The following ANO3 variants were observed in gnomAD, a reference collection of about 807,000 sequenced individuals.
ANO3 encodes anoctamin-3.
In ANO3, 99 loss-of-function variants were observed where a neutral mutation model predicts 144.8. That is an observed-to-expected ratio of 0.68 (90% confidence interval 0.58 to 0.81). The LOEUF (loss-of-function observed/expected upper bound fraction) is 0.81, where lower values mean the gene tolerates loss of function less well. ANO3 is among the 30% of genes least tolerant of loss of function. ANO3 has a pLI of 0.00. For missense variants in ANO3, 905 were observed against 1,202.2 expected, an observed-to-expected ratio of 0.75 and a Z score of 3.66; for synonymous variants, 414 against 392.6, an observed-to-expected ratio of 1.05 and a Z score of -0.64.
chr11:26,484,025 T>C (rs118058209), intron 4 of ANO3, among the ~76,000 whole-genome samples: 11,419 of 152,214 alleles, frequency 0.075, 604 homozygotes, highest in Admixed American at 0.13. Flanking sequence ...GATCTGGAAA[T>C]TTGAACTTGA....
intron 26 of ANO3, 81 bp downstream of exon 26, chr11:26,656,562 T>G: frequency 1.1e-6 from 1 of 891,602 alleles, no homozygotes; most frequent in Admixed American, 2.0e-5. Flanking sequence ...TGAAATCAGT[T>G]CCTCAGACTT....
intron 14 of ANO3, among the ~76,000 whole-genome samples, chr11:26,570,949 C>T (rs1271689005): frequency 6.6e-6 from 1 of 151,920 alleles, no homozygotes; most frequent in African/African-American, 2.4e-5. Flanking sequence ...TTAGGCCTCT[C>T]ATTTTACTTT....
intron 1 of ANO3, among the ~76,000 whole-genome samples, chr11:26,433,785 G>A (rs1858199654): frequency 6.6e-6 from 1 of 152,120 alleles, no homozygotes; most frequent in African/African-American, 2.4e-5. Context: ...CTGATGTGCT[G>A]CTGCATTCAG....
chr11:26,220,143 A>C (rs1041318122), intron 1 of ANO3, among the ~76,000 whole-genome samples: 1 of 152,172 alleles, frequency 6.6e-6, no homozygotes, highest in Non-Finnish European at 1.5e-5. Context: ...ACCTCCACTT[A>C]GCTGAGCTAT....
At chr11:26,332,888 T>C (rs1319781793) in intron 1 of ANO3, among the ~76,000 whole-genome samples, 2 of 152,164 alleles carry the variant, frequency 1.3e-5, no homozygotes, top group East Asian at 3.9e-4. Flanking sequence ...AGGTTAGGTT[T>C]CTCTTCTAGG....
intron 1 of ANO3, among the ~76,000 whole-genome samples, chr11:26,304,281 A>G (rs920239674): frequency 6.6e-6 from 1 of 152,152 alleles, no homozygotes; most frequent in East Asian, 1.9e-4. Flanking sequence ...TTGAGTACCT[A>G]TAGCAATGGC....
At chr11:26,423,381 C>A (rs964920652) in intron 1 of ANO3, among the ~76,000 whole-genome samples, 1 of 140,484 alleles carries the variant, frequency 7.1e-6, no homozygotes, top group African/African-American at 2.6e-5. Flanking sequence ...ACAACCAATA[C>A]TGAATTAATG....
chr11:26,653,043 G>A (rs1411230769), intron 24 of ANO3, among the ~76,000 whole-genome samples: 1 of 152,100 alleles, frequency 6.6e-6, no homozygotes, highest in African/African-American at 2.4e-5. Context: ...TTTAGTTTTG[G>A]AGTTCCCCAA....
At chr11:26,335,582 G>T (rs1267569693) in intron 1 of ANO3, among the ~76,000 whole-genome samples, 2 of 152,054 alleles carry the variant, frequency 1.3e-5, no homozygotes, top group Non-Finnish European at 2.9e-5. Context: ...AAATTTTTAG[G>T]TTTGTAATTA....
At chr11:26,304,317 G>T (rs541344732) in intron 1 of ANO3, among the ~76,000 whole-genome samples, 1 of 152,004 alleles carries the variant, frequency 6.6e-6, no homozygotes, top group African/African-American at 2.4e-5. Flanking sequence ...TCTACATAAT[G>T]CTTTAAAAGC....
intron 14 of ANO3, among the ~76,000 whole-genome samples, chr11:26,589,063 CACCA>C (rs763326549): frequency 2.6e-5 from 4 of 152,144 alleles, no homozygotes; most frequent in Non-Finnish European, 5.9e-5. Context: ...AAAATCAGAA[CACCA>C]ACCAACCAAC....
chr11:26,223,154 G>C (rs1362898473), intron 1 of ANO3, among the ~76,000 whole-genome samples: 6 of 151,300 alleles, frequency 4.0e-5, no homozygotes, highest in Non-Finnish European at 8.8e-5. Context: ...TCCTGTATTT[G>C]ATCATAGGTC....
intron 1 of ANO3, among the ~76,000 whole-genome samples, chr11:26,357,347 A>T (rs1182140157): frequency 6.6e-6 from 1 of 152,218 alleles, no homozygotes; most frequent in East Asian, 1.9e-4. Context: ...AACAGTAAAT[A>T]TGAGACTTCT....
chr11:26,399,424 T>A (rs1421744678), intron 1 of ANO3, among the ~76,000 whole-genome samples: 1 of 151,838 alleles, frequency 6.6e-6, no homozygotes, highest in East Asian at 2.0e-4. Flanking sequence ...ATATGAACTT[T>A]TCAGCATGAC....
chr11:26,488,648 G>A (rs2087974), intron 4 of ANO3, among the ~76,000 whole-genome samples: 2 of 152,022 alleles, frequency 1.3e-5, no homozygotes, highest in Non-Finnish European at 2.9e-5. Context: ...CTGGAGTTGG[G>A]TGTTTGTTCC....
chr11:26,240,063 ATTGG>A (rs1283482316), intron 1 of ANO3, among the ~76,000 whole-genome samples: 2 of 152,164 alleles, frequency 1.3e-5, no homozygotes, highest in Non-Finnish European at 2.9e-5. Flanking sequence ...AGCCCCACTT[ATTGG>A]GGCAAATTAC....
chr11:26,316,342 T>G (rs1431881969), intron 1 of ANO3, among the ~76,000 whole-genome samples: 2 of 152,182 alleles, frequency 1.3e-5, no homozygotes, highest in Non-Finnish European at 2.9e-5. Context: ...TAGGGTCATT[T>G]GATTATGAGG....
chr11:26,471,464 G>C (rs987192509), intron 4 of ANO3, among the ~76,000 whole-genome samples: 3 of 151,870 alleles, frequency 2.0e-5, no homozygotes, highest in African/African-American at 7.2e-5. Context: ...ATAATAGAAA[G>C]TTTCTATTCC....
At chr11:26,543,385 A>G (rs1463041200) in intron 11 of ANO3, among the ~76,000 whole-genome samples, 1 of 152,098 alleles carries the variant, frequency 6.6e-6, no homozygotes, top group Non-Finnish European at 1.5e-5. Context: ...CCTAGTGCCT[A>G]TAATGAAAGG....
Sources: allele counts gnomAD v4.1 joint callset (sites outside exome capture counted in the v4.1 genomes callset), GRCh38; gene constraint gnomAD v4.1.1; transcripts MANE v1.5; gene names NCBI Gene and HGNC (gene_info 2026-07-23, HGNC 2026-07-21).